KIF1B: variants seen among roughly 807,000 people sequenced by gnomAD.
KIF1B encodes the protein kinesin family member 1B.
A neutral mutation model predicts 241.9 loss-of-function variants in KIF1B; 76 were observed. That is an observed-to-expected ratio of 0.31 (90% CI 0.26 to 0.38). The LOEUF is 0.38. Ranked by LOEUF, KIF1B falls within the 10% of genes least tolerant of loss-of-function variation. The pLI, the probability that KIF1B is intolerant of heterozygous loss-of-function variation, is 1.00. For synonymous variants in KIF1B, 750 were observed against 796.7 expected, an observed-to-expected ratio of 0.94 and a Z score of 0.99; for missense variants, 1,622 against 2,271.4, an observed-to-expected ratio of 0.71 and a Z score of 5.81.
chr1:10,238,072 G>A (rs557959034), intron 2 of KIF1B, among the ~76,000 whole-genome samples: 27 of 152,144 alleles, frequency 1.8e-4, no homozygotes, highest in Admixed American at 1.8e-3. Context: ...GATTTGGAAA[G>A]GAAGAGTTTA....
rs1201688379 is a variant in KIF1B at position 10,380,116 on chromosome 1, A to G, written c.*3529A>G. On this transcript the variant is annotated 3_prime_UTR_variant, in exon 49 of 49. Coordinates refer to ENST00000676179, the MANE Select transcript of KIF1B (RefSeq NM_001365951.3). ...CTGTCTCTTGAGATCTAAAAACAAG[A>G]TGACTTTTCCTGGCACATATTCCAA... is the stretch of plus-strand genomic sequence containing the variant. 3 of 226,392 alleles carry G rather than the reference A, an allele frequency of 1.3e-5. No individual in the cohort carries two copies. The highest frequency in any genetic ancestry group is 2.2e-5 in the African/African-American group (1 of 44,926). 14.0% of individuals were successfully genotyped at this position (226,392 alleles called of 1,614,324 possible).
intron 7 of KIF1B, among the ~76,000 whole-genome samples, chr1:10,270,142 CGTATTT>C (rs890072930): frequency 1.8e-4 from 27 of 152,190 alleles, no homozygotes; most frequent in African/African-American, 6.5e-4. Flanking sequence ...TCAGTTTTGA[CGTATTT>C]GTATACCTGT....
Position 10,278,251 on chromosome 1 carries a change from ATGTTTTGTTT to A in KIF1B, c.1180+135_1180+144del. ...ATGATGAAGCTAAATGGTAGTGAAA[ATGTTTTGTTT>A]TGTTTTGTTTTCTTTTTCCTTAAAA... is the stretch of plus-strand genomic sequence containing the variant. On this transcript the variant is annotated intron_variant, in intron 13 of 48. Coordinates refer to ENST00000676179, the MANE Select transcript of KIF1B (RefSeq NM_001365951.3). 4.7e-6 allele frequency: 5 copies of A among 1,068,902 alleles called. 1 individual carries two copies. In the Admixed American group the frequency reaches 1.2e-4, roughly 25 times the overall value. The allele number at this position is 1,068,902 out of a possible 1,614,324, so 66.2% of individuals were successfully genotyped here.
rs1198541796 is a variant in KIF1B, at chr1:10,275,467, G to A, written c.922G>A (p.Asp308Asn). The change falls in exon 11 of 49, where the codon GAT becomes AAT. Residue 308 changes from aspartate (D) to asparagine (N), a missense_variant. By Grantham distance (23) the Asp-to-Asn change is conservative. Coordinates refer to ENST00000676179, the MANE Select transcript of KIF1B (RefSeq NM_001365951.3). The part of the protein sequence containing the change: ...KKKTDFIPYR[D>N]SVLTWLLREN... ...GAAAACAGATTTTATTCCCTACAGG[G>A]ATTCTGTACTTACTTGGCTCCTTCG... is the stretch of plus-strand genomic sequence containing the variant. 1 of 1,586,382 alleles carries A rather than the reference G, an allele frequency of 6.3e-7. No individual in the cohort carries two copies. Among genetic ancestry groups the A allele is most frequent in the Non-Finnish European group, 8.7e-7 (1 of 1,155,044 alleles).
At chr1:10,224,916 A>C (rs954467347) in intron 1 of KIF1B, among the ~76,000 whole-genome samples, 1 of 152,138 alleles carries the variant, frequency 6.6e-6, no homozygotes, top group Non-Finnish European at 1.5e-5. Flanking sequence ...GGTTGGGGTG[A>C]TGGTCTCAGG....
chr1:10,261,901 C>T lies in KIF1B; in HGVS notation c.364-4C>T, dbSNP rs543454131. 8.1e-6 allele frequency: 13 copies of T among 1,598,808 alleles called. No homozygotes were observed. Among genetic ancestry groups the T allele is most frequent in the South Asian group, 1.1e-5 (1 of 90,768 alleles). Reference sequence around the variant, plus strand: ...TTCATGCCTCTCTCATTCTACTTCCCTAGTTATGTGAAGAACTTTTTGAGA... The same window carrying T: ...TTCATGCCTCTCTCATTCTACTTCCTTAGTTATGTGAAGAACTTTTTGAGA... On this transcript the variant is annotated splice_region_variant and splice_polypyrimidine_tract_variant and intron_variant, in intron 4 of 48. Coordinates refer to ENST00000676179, the MANE Select transcript of KIF1B (RefSeq NM_001365951.3).
intron 26 of KIF1B, among the ~76,000 whole-genome samples, chr1:10,325,352 A>C (rs1651688737): frequency 6.7e-6 from 1 of 148,318 alleles, no homozygotes; most frequent in Non-Finnish European, 1.5e-5. Flanking sequence ...CTTCAGCCTC[A>C]TTTTTTTTTT....
In KIF1B at chr1:10,337,395, A is replaced by T; in HGVS notation, c.3284A>T (p.Asp1095Val). 2 of 1,614,120 alleles carry T rather than the reference A, an allele frequency of 1.2e-6. No homozygotes were observed. Among genetic ancestry groups the T allele is most frequent in the Non-Finnish European group, 1.7e-6 (2 of 1,180,014 alleles). Residue 1095 changes from aspartate (D) to valine (V), a missense_variant, in exon 31 of 49, where the codon GAT becomes GTT. Coordinates refer to ENST00000676179, the MANE Select transcript of KIF1B (RefSeq NM_001365951.3). This position sits in a 1 kb window ranked among gnomAD's most constrained non-coding sequence, Gnocchi z 4.0. ...DLDLKSSTLLDGKMVMEGFSE... is the reference protein window; with the variant it reads ...DLDLKSSTLLVGKMVMEGFSE... ...GATTTGAAGTCAAGCACTTTGCTGG[A>T]TGGTAAGATGGTAATGGAAGGGTTT...
intron 22 of KIF1B, among the ~76,000 whole-genome samples, chr1:10,314,180 C>A (rs962353897): frequency 3.3e-5 from 5 of 151,408 alleles, no homozygotes; most frequent in African/African-American, 1.2e-4. Flanking sequence ...CCGCGTCCAG[C>A]CAAAATATAT....
chr1:10,347,778 T>C lies in KIF1B; in HGVS notation c.3815T>C (p.Val1272Ala), dbSNP rs1389726837. 2 of 1,613,324 alleles carry C rather than the reference T, an allele frequency of 1.2e-6. No homozygotes were observed. The highest frequency in any genetic ancestry group is 1.7e-6 in the Non-Finnish European group (2 of 1,179,338). Residue 1272 changes from valine to alanine, a missense_variant, in exon 36 of 49, where the codon GTT (valine) becomes GCT (alanine). Val to Ala is a moderately conservative substitution (Grantham distance 64). Coordinates refer to ENST00000676179, the MANE Select transcript of KIF1B (RefSeq NM_001365951.3). ...EPTGEYIPAVVDHTAGLPCQG... is the reference protein window; with the variant it reads ...EPTGEYIPAVADHTAGLPCQG... ...TTTTTTAGGTATATCCCAGCTGTGG[T>C]TGACCACACAGCAGGCTTGCCTTGC...
chr1:10,308,678 A>G, intron 22 of KIF1B: 1 of 955,836 alleles, frequency 1.0e-6, no homozygotes, highest in Non-Finnish European at 1.3e-6. Flanking sequence ...ACTTTTATTT[A>G]TTGCTTTTTC....
At position 10,365,451 on chromosome 1, in the gene KIF1B, G is replaced by T. The variant is rs1407857086; in HGVS notation, c.4555G>T (p.Gly1519Cys). Residue 1519 changes from glycine (G) to cysteine (C), a missense_variant, in exon 43 of 49, where the codon GGT becomes TGT. Transcript: ENST00000676179. The surrounding 1 kb of genome is among the most constrained non-coding windows in gnomAD (Gnocchi z 4.0). The stretch of plus-strand genomic sequence containing the variant: ...CTTTTTGCTGCTGCGTGAGAGACTT[G>T]GTGACAGCATCCCCAAATCCCTGAG... ...RHFLLLRERL[G>C]DSIPKSLSDS... 2 of 1,614,124 alleles carry T rather than the reference G, an allele frequency of 1.2e-6. No homozygotes were observed. Among genetic ancestry groups the T allele is most frequent in the Non-Finnish European group, 1.7e-6 (2 of 1,180,032 alleles).
chr1:10,254,692 C>T (rs564185508), intron 2 of KIF1B, among the ~76,000 whole-genome samples: 5 of 151,630 alleles, frequency 3.3e-5, no homozygotes, highest in Admixed American at 6.6e-5. Context: ...CTGGCTAACA[C>T]GGTGAAACCC....
intron 33 of KIF1B, among the ~76,000 whole-genome samples, chr1:10,342,747 C>G (rs1043819164): frequency 6.6e-6 from 1 of 152,132 alleles, no homozygotes; most frequent in Non-Finnish European, 1.5e-5. Context: ...TACCAACATC[C>G]AACTCTTTGT....
intron 1 of KIF1B, among the ~76,000 whole-genome samples, chr1:10,229,350 CAG>C (rs1646948669): frequency 6.6e-6 from 1 of 152,046 alleles, no homozygotes. Flanking sequence ...AGGACTTAAA[CAG>C]ATAATTCTCA....
At chr1:10,266,907 G>A (rs907631420) in intron 5 of KIF1B, among the ~76,000 whole-genome samples, 4 of 152,074 alleles carry the variant, frequency 2.6e-5, no homozygotes, top group African/African-American at 7.3e-5. Flanking sequence ...TAGAGTTACG[G>A]CATTTCACTT....
Position 10,303,843 on chromosome 1 carries a change from T to C in KIF1B, c.2115+6597T>C, listed in dbSNP as rs1431700140. 1.2e-6 allele frequency: 2 copies of C among 1,613,166 alleles called. No homozygotes were observed. Among genetic ancestry groups the C allele is most frequent in the Non-Finnish European group, 1.7e-6 (2 of 1,179,112 alleles). ...TTGGTGCTGGTGTTAGTAGCACCTC[T>C]GAGAATAATGTAAGTAAAGGAGACA... On this transcript the variant is annotated intron_variant, in intron 22 of 48. Transcript: ENST00000676179. The surrounding 1 kb of genome is among the most constrained non-coding windows in gnomAD (Gnocchi z 5.2).
chr1:10,370,832 A>T (rs1463276346), intron 44 of KIF1B, among the ~76,000 whole-genome samples: 1 of 151,916 alleles, frequency 6.6e-6, no homozygotes, highest in African/African-American at 2.4e-5. Flanking sequence ...GTGGTGGTAC[A>T]CGCTTGTAGT....
At position 10,347,746 on chromosome 1, in the gene KIF1B, G is replaced by C. The variant is rs766283700; in HGVS notation, c.3798-15G>C. On this transcript the variant is annotated splice_polypyrimidine_tract_variant and intron_variant, in intron 35 of 48. Transcript: ENST00000676179. The stretch of plus-strand genomic sequence containing the variant: ...AGTAGCACTTAGTTTTTTCTTTTGC[G>C]TTTCTATTTTTTAGGTATATCCCAG... 97 of 1,610,946 alleles carry C rather than the reference G, an allele frequency of 6.0e-5. 1 individual carries two copies. Among genetic ancestry groups the C allele is most frequent in the Non-Finnish European group, 8.0e-5 (94 of 1,177,678 alleles).
Sources: gnomAD v4.1 joint callset for allele counts (sites outside exome capture counted in the v4.1 genomes callset) on GRCh38, gnomAD v4.1.1 for gene constraint, Gnocchi (gnomAD v3.1) non-coding constraint, MANE v1.5 for transcripts, NCBI Gene and HGNC (gene_info 2026-07-23, HGNC 2026-07-21) for gene names.